The following NR3C1 variants were observed in gnomAD, a reference collection of about 807,000 sequenced individuals.
NR3C1 encodes nuclear receptor subfamily 3 group C member 1.
A neutral mutation model predicts 74.0 loss-of-function variants in NR3C1; 14 were observed. That is an observed-to-expected ratio of 0.19 (90% CI 0.12 to 0.30). The LOEUF (loss-of-function observed/expected upper bound fraction) is 0.30, where lower values mean the gene tolerates loss of function less well. Ranked by LOEUF, NR3C1 falls within the 10% of genes least tolerant of loss-of-function variation. NR3C1 has a pLI of 1.00. For synonymous variants in NR3C1, 308 were observed against 332.5 expected, an observed-to-expected ratio of 0.93 and a Z score of 0.80; for missense variants, 695 against 909.8, an observed-to-expected ratio of 0.76 and a Z score of 3.04.
At chr5:143,368,058 C>G (rs1333229037) in intron 2 of NR3C1, among the ~76,000 whole-genome samples, 1 of 152,170 alleles carries the variant, frequency 6.6e-6, no homozygotes, top group Non-Finnish European at 1.5e-5. Context: ...CATACAGACT[C>G]ATAGAATTGT....
chr5:143,306,793 G>T lies in NR3C1; in HGVS notation c.1468+3304C>A, dbSNP rs116925891. ...GCCAATTTCTACACTAACTGGATAC[G>T]TTATACTGACTATAAAAGCATATAA... On this transcript the variant is annotated intron_variant, in intron 4 of 8. Transcript: ENST00000394464. 1.0e-3 allele frequency among the ~76,000 whole-genome samples: 153 copies of T among 149,196 alleles called. 3 individuals are homozygous for T. In the East Asian group the frequency reaches 0.022, roughly 22 times the overall value.
At chr5:143,393,791 T>C (rs148440522) in intron 2 of NR3C1, among the ~76,000 whole-genome samples, 14 of 152,066 alleles carry the variant, frequency 9.2e-5, no homozygotes, top group African/African-American at 1.9e-4. Flanking sequence ...CTTTCAAAAT[T>C]TGGCTATCAA....
intron 4 of NR3C1, among the ~76,000 whole-genome samples, chr5:143,302,138 T>C (rs753461371): frequency 1.3e-5 from 2 of 152,098 alleles, no homozygotes; most frequent in African/African-American, 4.8e-5. Flanking sequence ...ACTCCCTGAC[T>C]CTTCATTTCC....
Position 143,330,243 on chromosome 5 carries a change from T to C in NR3C1, c.1185-16075A>G, listed in dbSNP as rs540873410. ...TGATGATGTAATTTTTGTTTTAAAA[T>C]TTTAGGGATATTCTGCACAATGTAA... On this transcript the variant is annotated intron_variant, in intron 2 of 8. Coordinates refer to ENST00000394464, the MANE Select transcript of NR3C1 (RefSeq NM_000176.3). Among the ~76,000 whole-genome samples the C allele has an allele frequency of 2.0e-4, 30 of 152,316 alleles. 1 individual carries two copies. The East Asian group carries it at 5.8e-3, about 29-fold the overall frequency.
intron 2 of NR3C1, among the ~76,000 whole-genome samples, chr5:143,362,295 T>C (rs889766360): frequency 6.6e-6 from 1 of 151,820 alleles, no homozygotes; most frequent in African/African-American, 2.4e-5. Context: ...GCCATGAAAA[T>C]AACAGTCCAC....
intron 2 of NR3C1, among the ~76,000 whole-genome samples, chr5:143,334,806 T>C (rs1481335506): frequency 6.6e-6 from 1 of 152,022 alleles, no homozygotes. Flanking sequence ...GCAGTAAGTT[T>C]TCTTAGTTAG....
intron 2 of NR3C1, among the ~76,000 whole-genome samples, chr5:143,367,259 A>G (rs1833405309): frequency 6.6e-6 from 1 of 152,208 alleles, no homozygotes; most frequent in South Asian, 2.1e-4. Context: ...AGGAACAGAA[A>G]GGAACATTCT....
intron 7 of NR3C1, among the ~76,000 whole-genome samples, chr5:143,293,155 A>G (rs1440425821): frequency 2.0e-5 from 3 of 152,200 alleles, no homozygotes; most frequent in Non-Finnish European, 4.4e-5. Context: ...ACGAGTGGAT[A>G]AAGAAAATGT....
chr5:143,407,326 G>C (rs964888063), upstream of NR3C1: 2 of 152,190 alleles, frequency 1.3e-5, no homozygotes, highest in African/African-American at 4.8e-5. Flanking sequence ...AAAGTGTACA[G>C]ATAACCCTCA....
chr5:143,422,343 G>C (rs867406732), intron 1 of NR3C1, among the ~76,000 whole-genome samples: 1 of 152,196 alleles, frequency 6.6e-6, no homozygotes. Context: ...CATGACCAAA[G>C]AGCCAGGCTG....
chr5:143,392,739 G>A (rs1268634082), intron 2 of NR3C1, among the ~76,000 whole-genome samples: 2 of 151,450 alleles, frequency 1.3e-5, no homozygotes, highest in African/African-American at 4.8e-5. Flanking sequence ...TCATTATTAG[G>A]TAAAAAAAAA....
rs886060044 is a variant in NR3C1, at chr5:143,279,322, T to C, written c.*2567A>G. The C allele has an allele frequency of 3.3e-6, 5 of 1,538,276 alleles. No individual in the cohort carries two copies. The highest frequency in any genetic ancestry group is 1.7e-6 in the Non-Finnish European group (2 of 1,143,270). Reference sequence around the variant, plus strand: ...AGTGCACATAATCTTCTTTTTCTCATTGAGTTCTATTTTTTGAGCGCCAAG... The same window carrying C: ...AGTGCACATAATCTTCTTTTTCTCACTGAGTTCTATTTTTTGAGCGCCAAG... On this transcript the variant is annotated 3_prime_UTR_variant, in exon 9 of 9. Transcript: ENST00000394464.
intron 1 of NR3C1, among the ~76,000 whole-genome samples, chr5:143,420,805 T>C (rs928795480): frequency 7.2e-5 from 11 of 152,122 alleles, no homozygotes; most frequent in Admixed American, 5.2e-4. Flanking sequence ...CAACAATCAT[T>C]GGGAAACACG....
At chr5:143,334,315 G>T (rs1248249935) in intron 2 of NR3C1, among the ~76,000 whole-genome samples, 1 of 152,120 alleles carries the variant, frequency 6.6e-6, no homozygotes, top group Non-Finnish European at 1.5e-5. Context: ...CTGGGAGGTG[G>T]AAGTTGCAGT....
In NR3C1 at chr5:143,394,714, A is replaced by G. The variant is rs146608426; in HGVS notation, c.1184+4942T>C. Among the ~76,000 whole-genome samples the G allele has an allele frequency of 1.8e-4, 27 of 152,116 alleles. 2 individuals carry two copies. In the East Asian group the frequency reaches 5.0e-3, roughly 28 times the overall value. On this transcript the variant is annotated intron_variant, in intron 2 of 8. Transcript: ENST00000394464. ...ACTCAAAAATTAGTATTATATAGCC[A>G]TGGTCAGTTTTAGATTTCTACCTGA...
In NR3C1 at chr5:143,279,743, C is replaced by T. The variant is rs1376571002; in HGVS notation, c.*2146G>A. 8 of 216,244 alleles carry T rather than the reference C, an allele frequency of 3.7e-5. No homozygotes were observed. The highest frequency in any genetic ancestry group is 9.0e-6 in the Non-Finnish European group (1 of 111,098). 13.4% of individuals were successfully genotyped at this position (216,244 alleles called of 1,614,324 possible). On this transcript the variant is annotated 3_prime_UTR_variant, in exon 9 of 9. Coordinates refer to ENST00000394464, the MANE Select transcript of NR3C1 (RefSeq NM_000176.3). The stretch of plus-strand genomic sequence containing the variant: ...ATTATTGGCAACCTATGAGATTCTG[C>T]ACTATTTACATATTGCTGGTACCTC...
At chr5:143,398,306 T>C (rs1446152698) in intron 2 of NR3C1, among the ~76,000 whole-genome samples, 1 of 151,068 alleles carries the variant, frequency 6.6e-6, no homozygotes, top group African/African-American at 2.4e-5. Flanking sequence ...ATTTAAACAA[T>C]AGATTAGGAG....
At chr5:143,293,250 C>A (rs1199124010) in intron 7 of NR3C1, among the ~76,000 whole-genome samples, 1 of 152,090 alleles carries the variant, frequency 6.6e-6, no homozygotes, top group Non-Finnish European at 1.5e-5. Context: ...GAACTGGAAA[C>A]CATTATTGTA....
At chr5:143,427,215 A>G (rs1440325753) in intron 1 of NR3C1, among the ~76,000 whole-genome samples, 1 of 152,086 alleles carries the variant, frequency 6.6e-6, no homozygotes, top group East Asian at 1.9e-4. Flanking sequence ...CACTCCAGAT[A>G]TAGCTTAGTA....
Sources: allele counts gnomAD v4.1 joint callset (sites outside exome capture counted in the v4.1 genomes callset), GRCh38; gene constraint gnomAD v4.1.1; transcripts MANE v1.5; gene names NCBI Gene and HGNC (gene_info 2026-07-23, HGNC 2026-07-21).